DIAPH2: variants seen among roughly 807,000 people sequenced by gnomAD.
DIAPH2 encodes diaphanous related formin 2, also known as protein diaphanous homolog 2.
Under a neutral mutation model 92.7 loss-of-function variants are expected in DIAPH2, and 35 were observed. The ratio of observed to expected loss-of-function variants is 0.38; its 90% CI spans 0.29 to 0.50. DIAPH2 has a LOEUF of 0.50. DIAPH2 is among the 20% of genes least tolerant of loss of function. The pLI is 0.94. For missense variants in DIAPH2, 701 were observed against 819.5 expected, an observed-to-expected ratio of 0.86 and a Z score of 1.77; for synonymous variants, 301 against 280.4, an observed-to-expected ratio of 1.07 and a Z score of -0.73.
intron 23 of DIAPH2, among the ~76,000 whole-genome samples, chrX:97,326,044 T>C (rs1025548222): frequency 8.9e-6 from 1 of 112,638 alleles, no homozygotes; most frequent in African/African-American, 3.2e-5. Flanking sequence ...GAAAGTTAAT[T>C]ATTGTATTCT....
chrX:96,705,637 C>T (rs2063881321), intron 1 of DIAPH2, among the ~76,000 whole-genome samples: 2 of 112,233 alleles, frequency 1.8e-5, no homozygotes, highest in African/African-American at 6.5e-5. Flanking sequence ...ACCATCTCCA[C>T]ACTATTGATC....
intron 25 of DIAPH2, among the ~76,000 whole-genome samples, chrX:97,426,272 C>A (rs1035257608): frequency 9.2e-6 from 1 of 109,164 alleles, no homozygotes; most frequent in Non-Finnish European, 1.9e-5. Context: ...ATGCTATGCA[C>A]CTAAAAATTT....
At chrX:97,066,071 A>G (rs2066632440) in intron 17 of DIAPH2, among the ~76,000 whole-genome samples, 2 of 112,099 alleles carry the variant, frequency 1.8e-5, no homozygotes, top group South Asian at 3.7e-4. Flanking sequence ...AGCTAAGTTT[A>G]AGTTATTATT....
chrX:97,180,451 G>A (rs1479360342), intron 22 of DIAPH2, among the ~76,000 whole-genome samples: 1 of 111,638 alleles, frequency 9.0e-6, no homozygotes, highest in Non-Finnish European at 1.9e-5. Flanking sequence ...CCGTTCTGTA[G>A]GTTACATGTT....
chrX:97,450,182 C>T (rs1247325324), intron 26 of DIAPH2, among the ~76,000 whole-genome samples: 1 of 111,500 alleles, frequency 9.0e-6, no homozygotes, highest in East Asian at 2.8e-4. Context: ...ATATATCCAC[C>T]AGCTGTGAGC....
intron 23 of DIAPH2, among the ~76,000 whole-genome samples, chrX:97,337,699 T>TA (rs2069076786): frequency 9.1e-6 from 1 of 110,231 alleles, no homozygotes; most frequent in Non-Finnish European, 1.9e-5. Flanking sequence ...GGAAAAGGTG[T>TA]AAAAGTGAGG....
At chrX:97,344,274 G>A (rs927011898) in intron 23 of DIAPH2, among the ~76,000 whole-genome samples, 9 of 111,395 alleles carry the variant, frequency 8.1e-5, no homozygotes, top group Non-Finnish European at 1.5e-4. Context: ...GCCAGGTGTG[G>A]TGGCATACAT....
intron 17 of DIAPH2, among the ~76,000 whole-genome samples, chrX:97,054,242 A>C (rs927845907): frequency 2.7e-5 from 3 of 112,205 alleles, no homozygotes; most frequent in Non-Finnish European, 5.6e-5. Context: ...TCTAACATGT[A>C]TAATTTAAGA....
chrX:96,778,887 C>G (rs899592820), intron 4 of DIAPH2, among the ~76,000 whole-genome samples: 6 of 111,575 alleles, frequency 5.4e-5, no homozygotes, highest in Non-Finnish European at 7.5e-5. Flanking sequence ...CATCAGGAGG[C>G]ACAGGGATAT....
At chrX:96,759,576 G>A (rs769874779) in intron 4 of DIAPH2, among the ~76,000 whole-genome samples, 34 of 111,568 alleles carry the variant, frequency 3.0e-4, no homozygotes, top group Non-Finnish European at 5.5e-4. Flanking sequence ...AATGCTTTAG[G>A]AAATGCAGGA....
At chrX:97,135,491 C>T (rs187871926) in intron 21 of DIAPH2, among the ~76,000 whole-genome samples, 11 of 111,386 alleles carry the variant, frequency 9.9e-5, no homozygotes, top group African/African-American at 2.6e-4. Context: ...GGATTAGAGG[C>T]GTGAACCACC....
intron 25 of DIAPH2, among the ~76,000 whole-genome samples, chrX:97,427,132 T>A (rs2070074859): frequency 9.2e-6 from 1 of 109,060 alleles, no homozygotes; most frequent in Non-Finnish European, 1.9e-5. Flanking sequence ...GAGCAGAGAT[T>A]GCGCCACTGC....
intron 25 of DIAPH2, among the ~76,000 whole-genome samples, chrX:97,384,579 G>A (rs1269173318): frequency 8.9e-6 from 1 of 111,802 alleles, no homozygotes; most frequent in Non-Finnish European, 1.9e-5. Flanking sequence ...AAAGTAAGTT[G>A]TTTGAGGCCG....
rs180990324 is a variant in DIAPH2 at position 97,099,731 on chromosome X, A to T, written c.2285A>T (p.Asn762Ile). The T allele has an allele frequency of 8.4e-7, 1 of 1,186,539 alleles. No homozygotes were observed. The highest frequency in any genetic ancestry group is 3.1e-5 in the East Asian group (1 of 32,294). Residue 762 changes from asparagine to isoleucine, a missense_variant, in exon 20 of 27, where the codon AAC becomes ATC. Transcript: ENST00000324765. ...VKHLPEQKIL[N>I]ELAELKNEYD... ...CATCTTCCTGAGCAGAAGATACTCA[A>T]CGAATTAGCAGAGCTTAAGAATGAA...
intron 4 of DIAPH2, among the ~76,000 whole-genome samples, chrX:96,770,461 A>C: frequency 8.9e-6 from 1 of 111,878 alleles, no homozygotes; most frequent in East Asian, 2.8e-4. Context: ...TCTGTGAAAA[A>C]AGATTAAATC....
chrX:96,922,265 ATCTCTT>A (rs1031007070), intron 9 of DIAPH2, among the ~76,000 whole-genome samples: 2 of 110,312 alleles, frequency 1.8e-5, no homozygotes, highest in African/African-American at 6.5e-5. Context: ...CTTAGCTTAT[ATCTCTT>A]TCTGTTAACC....
chrX:96,717,731 C>T (rs2063958743), intron 1 of DIAPH2, among the ~76,000 whole-genome samples: 1 of 97,564 alleles, frequency 1.0e-5, no homozygotes, highest in Non-Finnish European at 2.0e-5. Context: ...CCTTGGTGTA[C>T]TTTTCTTCAT....
chrX:96,925,437 A>G, intron 9 of DIAPH2, among the ~76,000 whole-genome samples: 1 of 110,823 alleles, frequency 9.0e-6, no homozygotes, highest in Admixed American at 9.7e-5. Context: ...TCAATTCTAT[A>G]TCCTTAATGT....
intron 26 of DIAPH2, among the ~76,000 whole-genome samples, chrX:97,444,958 A>G (rs1415532593): frequency 8.9e-6 from 1 of 111,743 alleles, no homozygotes. Context: ...GTGACTGGGT[A>G]TAATAAATTA....
Sources: gnomAD v4.1 joint callset for allele counts (sites outside exome capture counted in the v4.1 genomes callset) on GRCh38, gnomAD v4.1.1 for gene constraint, MANE v1.5 for transcripts, NCBI Gene and HGNC (gene_info 2026-07-23, HGNC 2026-07-21) for gene names.